The following SOCS5 variants were observed in gnomAD, a reference collection of about 807,000 sequenced individuals.
SOCS5 encodes the protein suppressor of cytokine signaling 5.
In SOCS5, 32 loss-of-function variants were observed where a neutral mutation model predicts 42.8. That is an observed-to-expected ratio of 0.75 (90% CI 0.56 to 1.01). The LOEUF (loss-of-function observed/expected upper bound fraction) is 1.01. SOCS5 is among the 50% of genes least tolerant of loss of function. The pLI is 0.00. For missense variants in SOCS5, 627 were observed against 653.0 expected, an observed-to-expected ratio of 0.96 and a Z score of 0.43; for synonymous variants, 283 against 229.6, an observed-to-expected ratio of 1.23 and a Z score of -2.10.
At position 46,762,693 on chromosome 2, in the gene SOCS5, T is replaced by C. The variant is rs1393281142; in HGVS notation, c.*2552T>C. The C allele has an allele frequency of 6.0e-6, 1 of 166,328 alleles. No homozygotes were observed. Among genetic ancestry groups the C allele is most frequent in the Non-Finnish European group, 1.5e-5 (1 of 68,086 alleles). The allele number at this position is 166,328 out of a possible 1,614,324, so 10.3% of individuals were successfully genotyped here. A position where few individuals can be genotyped will look rare whatever the true frequency, so the allele number is the denominator to read the frequency against. On this transcript the variant is annotated 3_prime_UTR_variant, in exon 2 of 2. Coordinates refer to ENST00000394861, the MANE Select transcript of SOCS5 (RefSeq NM_144949.3). ...CTAAGTCTATATTCACTGTGTCCTT[T>C]TCTGAATCCCATTGTAGCCTGTCAA...
chr2:46,727,256 C>T (rs1673019394), intron 1 of SOCS5, among the ~76,000 whole-genome samples: 2 of 149,180 alleles, frequency 1.3e-5, no homozygotes, highest in Admixed American at 1.4e-4. Flanking sequence ...TCACGCCATT[C>T]TCCTGCCTCA....
intron 1 of SOCS5, among the ~76,000 whole-genome samples, chr2:46,730,142 A>G (rs112523645): frequency 1.3e-5 from 2 of 152,164 alleles, no homozygotes; most frequent in African/African-American, 2.4e-5. Context: ...TATGCAGCAC[A>G]TGACTGTATA....
intron 1 of SOCS5, among the ~76,000 whole-genome samples, chr2:46,706,413 T>C (rs1351588951): frequency 6.6e-6 from 1 of 152,226 alleles, no homozygotes; most frequent in Non-Finnish European, 1.5e-5. Flanking sequence ...GCTCTTTTAC[T>C]CTTTGCTATG....
intron 1 of SOCS5, among the ~76,000 whole-genome samples, chr2:46,716,482 C>CTAAT (rs1231249691): frequency 1.5e-5 from 2 of 137,552 alleles, no homozygotes; most frequent in Admixed American, 1.6e-4. Flanking sequence ...ATTTAATTAA[C>CTAAT]TAATTAATTA....
intron 1 of SOCS5, among the ~76,000 whole-genome samples, chr2:46,732,805 C>A (rs1326360159): frequency 6.6e-6 from 1 of 152,092 alleles, no homozygotes; most frequent in African/African-American, 2.4e-5. Flanking sequence ...GCAACTGTGT[C>A]CTTTCTTTGT....
intron 1 of SOCS5, among the ~76,000 whole-genome samples, chr2:46,756,364 A>G (rs2103762343): frequency 6.6e-6 from 1 of 152,250 alleles, no homozygotes; most frequent in South Asian, 2.1e-4. Context: ...GGCTAGATAG[A>G]AAATATTTTA....
Position 46,761,628 on chromosome 2 carries a change from A to T in SOCS5, c.*1487A>T, listed in dbSNP as rs1673871825. ...GTTCTCCTTGTATATCTGCTGTTTTATACATTTGCAACAATTTCTCTTGTA... is the reference window on the plus strand; with the variant it reads ...GTTCTCCTTGTATATCTGCTGTTTTTTACATTTGCAACAATTTCTCTTGTA... On this transcript the variant is annotated 3_prime_UTR_variant, in exon 2 of 2. Coordinates refer to ENST00000394861, the MANE Select transcript of SOCS5 (RefSeq NM_144949.3). 1 of 166,946 alleles carries T rather than the reference A, an allele frequency of 6.0e-6. No homozygotes were observed. Among genetic ancestry groups the T allele is most frequent in the South Asian group, 2.1e-4 (1 of 4,836 alleles). 10.3% of individuals were successfully genotyped at this position (166,946 alleles called of 1,614,324 possible). A position where few individuals can be genotyped will look rare whatever the true frequency, so the allele number is the denominator to read the frequency against.
At chr2:46,750,853 A>G (rs1273844126) in intron 1 of SOCS5, among the ~76,000 whole-genome samples, 1 of 152,158 alleles carries the variant, frequency 6.6e-6, no homozygotes, top group Non-Finnish European at 1.5e-5. Flanking sequence ...ACCTCTGTCA[A>G]CTTTTCATGT....
chr2:46,760,273 A>T lies in SOCS5; in HGVS notation c.*132A>T. On this transcript the variant is annotated 3_prime_UTR_variant, in exon 2 of 2. Transcript: ENST00000394861. ...TAAGCTTAGTGTTAGTATCTGTCAG[A>T]TGCTACCTGCTGTTACTTATTCAGA... 1 of 657,054 alleles carries T rather than the reference A, an allele frequency of 1.5e-6. No individual in the cohort carries two copies. The highest frequency in any genetic ancestry group is 2.7e-5 in the East Asian group (1 of 36,700). The allele number at this position is 657,054 out of a possible 1,614,324, so 40.7% of individuals were successfully genotyped here.
intron 1 of SOCS5, among the ~76,000 whole-genome samples, chr2:46,716,367 ATTTTTTTTTT>A (rs35187667): frequency 5.9e-5 from 1 of 17,014 alleles, no homozygotes; most frequent in African/African-American, 1.8e-4. Flanking sequence ...GAGTGTCTTC[ATTTTTTTTTT>A]TTTTTTTTTT....
At chr2:46,713,187 C>G (rs1057251931) in intron 1 of SOCS5, among the ~76,000 whole-genome samples, 3 of 152,144 alleles carry the variant, frequency 2.0e-5, no homozygotes, top group South Asian at 2.1e-4. Context: ...CAGACCCCAT[C>G]TCTACCAAAA....
At chr2:46,716,379 T>C (rs1428386629) in intron 1 of SOCS5, among the ~76,000 whole-genome samples, 1 of 142,746 alleles carries the variant, frequency 7.0e-6, no homozygotes, top group Non-Finnish European at 1.5e-5. Flanking sequence ...TTTTTTTTTT[T>C]TTTTTTTTTT....
At chr2:46,701,638 A>T (rs1312236341) in intron 1 of SOCS5, among the ~76,000 whole-genome samples, 2 of 151,612 alleles carry the variant, frequency 1.3e-5, no homozygotes, top group Non-Finnish European at 2.9e-5. Context: ...TGAGTTGACT[A>T]CTTTTATCCA....
chr2:46,715,806 C>T (rs190778726), intron 1 of SOCS5, among the ~76,000 whole-genome samples: 6 of 152,168 alleles, frequency 3.9e-5, no homozygotes, highest in South Asian at 2.1e-4. Context: ...TATTGAGTTT[C>T]GTGGATCTGT....
At chr2:46,713,298 G>A (rs968437951) in intron 1 of SOCS5, among the ~76,000 whole-genome samples, 1 of 152,242 alleles carries the variant, frequency 6.6e-6, no homozygotes, top group Admixed American at 6.5e-5. Context: ...TGAGGCTCCA[G>A]TGAGCTGTGA....
At position 46,762,901 on chromosome 2, in the gene SOCS5, G is replaced by T. The variant is rs1558416613; in HGVS notation, c.*2760G>T. The T allele has an allele frequency of 7.2e-5, 12 of 166,480 alleles. No individual in the cohort carries two copies. The Admixed American group carries it at 7.9e-4, about 11-fold the overall frequency. The allele number at this position is 166,480 out of a possible 1,614,324, so 10.3% of individuals were successfully genotyped here. A position where few individuals can be genotyped will look rare whatever the true frequency, so the allele number is the denominator to read the frequency against. ...ACACACACACACACCTCTCCCTTCC[G>T]CATACATATAAGTGTGTATTATATA... On this transcript the variant is annotated 3_prime_UTR_variant, in exon 2 of 2. Coordinates refer to ENST00000394861, the MANE Select transcript of SOCS5 (RefSeq NM_144949.3).
At chr2:46,750,924 A>G (rs184525036) in intron 1 of SOCS5, among the ~76,000 whole-genome samples, 10 of 152,304 alleles carry the variant, frequency 6.6e-5, no homozygotes, top group Admixed American at 4.6e-4. Flanking sequence ...ATGTTCTCCA[A>G]TAATTCAAAA....
chr2:46,750,397 T>G (rs972210977), intron 1 of SOCS5, among the ~76,000 whole-genome samples: 6 of 152,108 alleles, frequency 3.9e-5, no homozygotes, highest in African/African-American at 1.4e-4. Flanking sequence ...AAAATTGTCT[T>G]TTTTGGAGAG....
intron 1 of SOCS5, among the ~76,000 whole-genome samples, chr2:46,711,399 T>A (rs922878801): frequency 1.3e-5 from 2 of 152,250 alleles, no homozygotes; most frequent in African/African-American, 4.8e-5. Context: ...TTTTGTCATG[T>A]GCTTATAGGC....
Sources: gnomAD v4.1 joint callset for allele counts (sites outside exome capture counted in the v4.1 genomes callset) on GRCh38, gnomAD v4.1.1 for gene constraint, MANE v1.5 for transcripts, NCBI Gene and HGNC (gene_info 2026-07-23, HGNC 2026-07-21) for gene names.